MACROD2: variants seen among roughly 807,000 people sequenced by gnomAD.
MACROD2 encodes the protein ADP-ribose glycohydrolase MACROD2.
MACROD2 carries 36 observed loss-of-function variants against 70.4 expected under a neutral mutation model. That is an observed-to-expected ratio of 0.51 (90% CI 0.39 to 0.68). The LOEUF (loss-of-function observed/expected upper bound fraction) is 0.68, where lower values mean the gene tolerates loss of function less well. Ranked by LOEUF, MACROD2 falls within the 30% of genes least tolerant of loss-of-function variation. The pLI is 0.00. For missense variants in MACROD2, 496 were observed against 538.4 expected (o/e 0.92, Z 0.78); for synonymous variants, 172 against 178.8 (o/e 0.96, Z 0.30).
At chr20:15,386,768 C>G (rs979627347) in intron 6 of MACROD2, among the ~76,000 whole-genome samples, 6 of 152,070 alleles carry the variant, frequency 3.9e-5, no homozygotes, top group African/African-American at 1.2e-4. Flanking sequence ...AAAAGTGGTG[C>G]CACAGGCATA....
chr20:15,114,888 C>T (rs987767387), intron 5 of MACROD2, among the ~76,000 whole-genome samples: 2 of 152,054 alleles, frequency 1.3e-5, no homozygotes, highest in Non-Finnish European at 2.9e-5. Flanking sequence ...CAAACTAGGC[C>T]AATCAGATCT....
intron 6 of MACROD2, among the ~76,000 whole-genome samples, chr20:15,427,515 A>C (rs968137337): frequency 1.8e-5 from 2 of 112,980 alleles, no homozygotes; most frequent in Admixed American, 1.8e-4. Flanking sequence ...CTAGATGTTT[A>C]TTAAGGAGTG....
At chr20:14,039,559 T>G (rs979034426) in intron 2 of MACROD2, among the ~76,000 whole-genome samples, 23 of 152,164 alleles carry the variant, frequency 1.5e-4, no homozygotes, top group Non-Finnish European at 2.8e-4. Context: ...ATAGCTTGCT[T>G]CTTCAGTTTA....
chr20:14,512,473 A>G (rs1398846514), intron 4 of MACROD2, among the ~76,000 whole-genome samples: 1 of 152,180 alleles, frequency 6.6e-6, no homozygotes, highest in East Asian at 1.9e-4. Context: ...AATACGGGTT[A>G]GAGAAAAGTG....
intron 4 of MACROD2, among the ~76,000 whole-genome samples, chr20:14,638,950 A>C (rs1446900935): frequency 1.8e-5 from 2 of 108,510 alleles, no homozygotes; most frequent in East Asian, 5.9e-4. Flanking sequence ...ACTATGTCTC[A>C]AAAAAAAAAA....
At chr20:15,900,058 G>A (rs903070137) in intron 10 of MACROD2, among the ~76,000 whole-genome samples, 1 of 152,078 alleles carries the variant, frequency 6.6e-6, no homozygotes, top group Non-Finnish European at 1.5e-5. Context: ...GCTGTTTTGT[G>A]AGTGGCTGGA....
intron 6 of MACROD2, among the ~76,000 whole-genome samples, chr20:15,319,596 G>A (rs2077850994): frequency 6.6e-6 from 1 of 152,168 alleles, no homozygotes; most frequent in Admixed American, 6.5e-5. Context: ...TTCCTTAAAA[G>A]GCTAAATATA....
At chr20:14,147,551 G>A (rs748285863) in intron 3 of MACROD2, among the ~76,000 whole-genome samples, 78 of 152,320 alleles carry the variant, frequency 5.1e-4, no homozygotes, top group Middle Eastern at 3.4e-3. Context: ...AAGATGATAA[G>A]ATATTACTTG....
rs1366514298 is a variant in MACROD2, at chr20:13,995,540, G to C, written c.-224G>C. On this transcript the variant is annotated 5_prime_UTR_variant, in exon 1 of 18. Transcript: ENST00000684519. This position sits in a 1 kb window ranked among gnomAD's most constrained non-coding sequence, Gnocchi z 4.3. ...TGACAGGCTCTGAGGTGCTGCTGTG[G>C]CGGCGTCCGCGGGGCTGAGGCGGGT... 3.2e-6 allele frequency: 2 copies of C among 630,508 alleles called. No individual in the cohort carries two copies. The highest frequency in any genetic ancestry group is 4.8e-5 in the Admixed American group (2 of 42,076). 39.1% of individuals were successfully genotyped at this position (630,508 alleles called of 1,614,324 possible). A position where few individuals can be genotyped will look rare whatever the true frequency, so the allele number is the denominator to read the frequency against.
intron 6 of MACROD2, among the ~76,000 whole-genome samples, chr20:15,327,866 A>G (rs2077948408): frequency 6.6e-6 from 1 of 152,116 alleles, no homozygotes; most frequent in African/African-American, 2.4e-5. Flanking sequence ...TCATTAAAAT[A>G]GATTTTTGCT....
rs999309352 is a variant in MACROD2 at position 15,334,399 on chromosome 20, A to G, written c.541-97006A>G. Among the ~76,000 whole-genome samples the G allele has an allele frequency of 2.0e-5, 3 of 151,682 alleles. No individual in the cohort carries two copies. The South Asian group carries it at 6.2e-4, about 31-fold the overall frequency. On this transcript the variant is annotated intron_variant, in intron 6 of 17. Transcript: ENST00000684519. ...AATGGCAAATAGTAAAAGATTACATAGTGTGGTGGAAACAGCAAGATATTT... is the reference window on the plus strand; with the variant it reads ...AATGGCAAATAGTAAAAGATTACATGGTGTGGTGGAAACAGCAAGATATTT...
At chr20:14,690,223 A>G (rs1187483797) in intron 5 of MACROD2, among the ~76,000 whole-genome samples, 1 of 152,102 alleles carries the variant, frequency 6.6e-6, no homozygotes, top group Non-Finnish European at 1.5e-5. Flanking sequence ...GAAAAATATT[A>G]AACTTGTGTA....
At chr20:14,367,697 T>G (rs2083284832) in intron 3 of MACROD2, among the ~76,000 whole-genome samples, 2 of 152,164 alleles carry the variant, frequency 1.3e-5, no homozygotes, top group Non-Finnish European at 2.9e-5. Flanking sequence ...TCCAGATTCC[T>G]TCTTTACCCT....
At chr20:15,029,867 A>T (rs1452576950) in intron 5 of MACROD2, among the ~76,000 whole-genome samples, 2 of 152,084 alleles carry the variant, frequency 1.3e-5, no homozygotes, top group African/African-American at 2.4e-5. Context: ...TGAGGTGAGC[A>T]GATTACGAGG....
chr20:14,315,045 TA>T (rs1449648509), intron 3 of MACROD2, among the ~76,000 whole-genome samples: 1 of 152,128 alleles, frequency 6.6e-6, no homozygotes, highest in African/African-American at 2.4e-5. Context: ...ATTGTATATA[TA>T]ATTTAATAGT....
At chr20:14,642,926 A>G (rs1223904970) in intron 4 of MACROD2, among the ~76,000 whole-genome samples, 4 of 152,160 alleles carry the variant, frequency 2.6e-5, no homozygotes, top group African/African-American at 7.2e-5. Context: ...CATGGTTGCC[A>G]CAAACCTTCA....
At chr20:15,664,350 A>G (rs465374) in intron 8 of MACROD2, among the ~76,000 whole-genome samples, 72,298 of 152,098 alleles carry the variant, frequency 0.48, 18,719 homozygotes, top group East Asian at 0.83. Flanking sequence ...CAGAGTACAT[A>G]TATTTTCTTT....
chr20:14,966,622 C>A (rs908608413), intron 5 of MACROD2, among the ~76,000 whole-genome samples: 16 of 152,164 alleles, frequency 1.1e-4, no homozygotes, highest in African/African-American at 3.9e-4. Context: ...TCTTCCCGTA[C>A]AAAGCAGCCA....
chr20:15,438,207 T>G (rs1410139095), intron 7 of MACROD2, among the ~76,000 whole-genome samples: 1 of 152,154 alleles, frequency 6.6e-6, no homozygotes, highest in Admixed American at 6.6e-5. Context: ...GTAATAGAAT[T>G]GGTAGGTCAA....
Sources: gnomAD v4.1 joint callset for allele counts (sites outside exome capture counted in the v4.1 genomes callset) on GRCh38, gnomAD v4.1.1 for gene constraint, Gnocchi (gnomAD v3.1) non-coding constraint, MANE v1.5 for transcripts, NCBI Gene and HGNC (gene_info 2026-07-23, HGNC 2026-07-21) for gene names.